The following SVOP variants were observed in gnomAD, a reference collection of about 807,000 sequenced individuals.
SVOP encodes the protein synaptic vesicle 2-related protein.
A neutral mutation model predicts 69.1 loss-of-function variants in SVOP; 17 were observed. The ratio of observed to expected loss-of-function variants is 0.25; its 90% CI spans 0.17 to 0.37. The LOEUF (loss-of-function observed/expected upper bound fraction) is 0.37. Among genes scored for constraint, SVOP ranks in the 10% least tolerant of loss-of-function variants. The pLI is 1.00. For missense variants in SVOP, 435 were observed against 597.5 expected, an observed-to-expected ratio of 0.73 and a Z score of 2.84; for synonymous variants, 238 against 238.6, an observed-to-expected ratio of 1.00 and a Z score of 0.02.
At chr12:108,914,794 G>A (rs2039703605) in intron 15 of SVOP, among the ~76,000 whole-genome samples, 2 of 151,516 alleles carry the variant, frequency 1.3e-5, no homozygotes, top group African/African-American at 4.9e-5. Context: ...CTGACCTGAA[G>A]TGATCTGCCC....
At chr12:108,987,641 T>A (rs2040173106) in intron 1 of SVOP, among the ~76,000 whole-genome samples, 1 of 152,198 alleles carries the variant, frequency 6.6e-6, no homozygotes, top group Admixed American at 6.5e-5. Context: ...GCCATCCTAA[T>A]GGGTGTGAGA....
intron 6 of SVOP, among the ~76,000 whole-genome samples, chr12:108,947,855 G>A (rs976678075): frequency 6.6e-5 from 10 of 151,866 alleles, no homozygotes; most frequent in African/African-American, 2.4e-4. Context: ...GGGGGTTGGG[G>A]GATAAAGGGA....
At chr12:108,943,323 C>A (rs1047136101) in intron 7 of SVOP, among the ~76,000 whole-genome samples, 4 of 151,818 alleles carry the variant, frequency 2.6e-5, no homozygotes, top group African/African-American at 7.3e-5. Context: ...AGTAGCCGGG[C>A]GCAGTGGCTC....
intron 6 of SVOP, among the ~76,000 whole-genome samples, 185 bp downstream of exon 6, chr12:108,960,738 T>C (rs1026346718): frequency 6.6e-6 from 1 of 152,198 alleles, no homozygotes; most frequent in Admixed American, 6.5e-5. Context: ...CTGTTGTTGA[T>C]CATAACAATA....
intron 6 of SVOP, among the ~76,000 whole-genome samples, chr12:108,949,185 G>C (rs1230700747): frequency 6.6e-6 from 1 of 152,094 alleles, no homozygotes; most frequent in Non-Finnish European, 1.5e-5. Context: ...CAGAGTATAT[G>C]ATGATTCTTC....
chr12:109,010,958 GGCT>G (rs1203845727), intron 1 of SVOP, among the ~76,000 whole-genome samples: 2 of 151,862 alleles, frequency 1.3e-5, no homozygotes, highest in Non-Finnish European at 2.9e-5. Flanking sequence ...CTGTCATCCA[GGCT>G]GGAGTGCAAG....
At chr12:108,946,998 G>GCA (rs1405245898) in intron 6 of SVOP, among the ~76,000 whole-genome samples, 1 of 152,132 alleles carries the variant, frequency 6.6e-6, no homozygotes, top group African/African-American at 2.4e-5. Context: ...GGAATTACAG[G>GCA]TGTGAGCCAC....
rs2039887408 is a variant in SVOP at position 108,940,894 on chromosome 12, C to T, written c.658G>A (p.Gly220Arg). The change falls in exon 8 of 16, where the codon GGG becomes AGG. Residue 220 changes from glycine to arginine, a missense_variant. Gly to Arg is a moderately radical substitution (Grantham distance 125, BLOSUM62 -2). Coordinates refer to ENST00000610966, the MANE Select transcript of SVOP (RefSeq NM_018711.5). Reference protein sequence around the residue: ...ILLIEVFWAIGTVFEVVLAVF... With the variant: ...ILLIEVFWAIRTVFEVVLAVF... ...GCCAGGACGACCTCGAACACTGTCC[C>T]GATGGCCCAGAATACCTGGCACAGG... is the stretch of plus-strand genomic sequence containing the variant. 5 of 1,536,746 alleles carry T rather than the reference C, an allele frequency of 3.3e-6. No homozygotes were observed. The highest frequency in any genetic ancestry group is 1.4e-5 in the African/African-American group (1 of 72,994).
At position 108,915,791 on chromosome 12, in the gene SVOP, T is replaced by C. The variant is rs2039709868; in HGVS notation, c.1432A>G (p.Ile478Val). 1 of 1,605,262 alleles carries C rather than the reference T, an allele frequency of 6.2e-7. No individual in the cohort carries two copies. Among genetic ancestry groups the C allele is most frequent in the African/African-American group, 1.3e-5 (1 of 74,714 alleles). Residue 478 changes from isoleucine (I) to valine (V), a missense_variant, in exon 15 of 16, where the codon ATC becomes GTC. Physicochemically the swap from Ile to Val is conservative, Grantham distance 29. Transcript: ENST00000610966. ...TTGGGGGCAGCACCTACCTGGGCGA[T>C]GAACGGAGTGATGAGAGCACCCACT... The part of the protein sequence containing the change: ...ARVGALITPF[I>V]AQVMLESSVY...
intron 8 of SVOP, 125 bp from the exon 9 acceptor site, chr12:108,939,080 C>A (rs1393213245): frequency 4.5e-6 from 6 of 1,346,974 alleles, no homozygotes; most frequent in Non-Finnish European, 5.1e-6. Flanking sequence ...AGAGAGCTGA[C>A]TTCAAATCCT....
At chr12:108,914,606 T>A (rs1407353748) in intron 15 of SVOP, among the ~76,000 whole-genome samples, 1 of 152,042 alleles carries the variant, frequency 6.6e-6, no homozygotes, top group Non-Finnish European at 1.5e-5. Context: ...TCTCACTCTA[T>A]CGCCCAGGCC....
At chr12:109,020,757 C>CCT (rs887857300) in intron 1 of SVOP, 77 bp downstream of exon 1, 22 of 287,324 alleles carry the variant, frequency 7.7e-5, no homozygotes, top group East Asian at 4.2e-4. Context: ...GAGATGTACC[C>CCT]CCCCCCACCC....
intron 1 of SVOP, among the ~76,000 whole-genome samples, chr12:109,010,434 C>T (rs2040335548): frequency 6.6e-6 from 1 of 152,208 alleles, no homozygotes; most frequent in Non-Finnish European, 1.5e-5. Flanking sequence ...GAATAATCCT[C>T]CCTAAGACCC....
intron 2 of SVOP, among the ~76,000 whole-genome samples, chr12:108,979,713 G>T (rs2040126471): frequency 6.6e-6 from 1 of 152,102 alleles, no homozygotes; most frequent in African/African-American, 2.4e-5. Context: ...AGACTGAGTG[G>T]ACATCTTACA....
chr12:108,956,301 CAA>C (rs36126786), intron 6 of SVOP, among the ~76,000 whole-genome samples: 5 of 138,070 alleles, frequency 3.6e-5, no homozygotes, highest in Non-Finnish European at 3.1e-5. Context: ...GATTCCGTCT[CAA>C]AAAAAAAAAA....
chr12:108,922,759 G>A lies in SVOP; in HGVS notation c.1087C>T (p.Leu363=). 6.2e-7 allele frequency: 1 copy of A among 1,611,358 alleles called. No individual in the cohort carries two copies. The highest frequency in any genetic ancestry group is 8.5e-7 in the Non-Finnish European group (1 of 1,179,036). ...RKKAVEAKCS[L]ACEYLSEEDY... ...TCCTCACTCAGGTACTCGCAGGCCA[G>A]GCTGCATTTTGCCTCTACAGCCTTC... Residue 363 remains leucine, a synonymous_variant, in exon 12 of 16, where the codon CTG becomes TTG. Transcript: ENST00000610966.
At chr12:109,004,341 G>A (rs2040291666) in intron 1 of SVOP, among the ~76,000 whole-genome samples, 6 of 150,910 alleles carry the variant, frequency 4.0e-5, no homozygotes, top group Admixed American at 3.3e-4. Flanking sequence ...TAAAGATCTT[G>A]TTTGTACCAC....
rs895063421 is a variant in SVOP at position 108,909,062 on chromosome 12, C to A, written c.*3473G>T. The A allele has an allele frequency of 4.6e-5, 7 of 152,202 alleles. No individual in the cohort carries two copies. Among genetic ancestry groups the A allele is most frequent in the Non-Finnish European group, 1.0e-4 (7 of 68,048 alleles). The allele number at this position is 152,202 out of a possible 1,614,324, so 9.4% of individuals were successfully genotyped here. A position where few individuals can be genotyped will look rare whatever the true frequency, so the allele number is the denominator to read the frequency against. ...AGAAATATGATGTCCAGCACAGGGG[C>A]AGCCATTTTGTGACCATGAGGTTTC... On this transcript the variant is annotated 3_prime_UTR_variant, in exon 16 of 16. Transcript: ENST00000610966.
chr12:108,942,943 G>C (rs2039901236), intron 7 of SVOP, among the ~76,000 whole-genome samples: 1 of 151,776 alleles, frequency 6.6e-6, no homozygotes, highest in Admixed American at 6.6e-5. Context: ...TTTTTTTGTT[G>C]AGATGGAGTT....
Sources: gnomAD v4.1 joint callset for allele counts (sites outside exome capture counted in the v4.1 genomes callset) on GRCh38, gnomAD v4.1.1 for gene constraint, MANE v1.5 for transcripts, NCBI Gene and HGNC (gene_info 2026-07-23, HGNC 2026-07-21) for gene names.